PDE10A: variants seen among roughly 807,000 people sequenced by gnomAD.
PDE10A encodes the protein phosphodiesterase 10A, also known as cAMP and cAMP-inhibited cGMP 3',5'-cyclic phosphodiesterase 10A.
A neutral mutation model predicts 97.7 loss-of-function variants in PDE10A; 39 were observed. The observed-to-expected ratio is 0.40, with a 90% CI of 0.31 to 0.52. The LOEUF (loss-of-function observed/expected upper bound fraction) is 0.52, where lower values mean the gene tolerates loss of function less well. Ranked by LOEUF, PDE10A falls within the 20% of genes least tolerant of loss-of-function variation. The pLI is 0.56. For synonymous variants in PDE10A, 371 were observed against 376.8 expected, an observed-to-expected ratio of 0.98 and a Z score of 0.18; for missense variants, 731 against 1,047.8, an observed-to-expected ratio of 0.70 and a Z score of 4.17.
At chr6:165,499,737 T>C (rs1780755992) in intron 2 of PDE10A, among the ~76,000 whole-genome samples, 1 of 152,338 alleles carries the variant, frequency 6.6e-6, no homozygotes, top group East Asian at 1.9e-4. Flanking sequence ...TTTTTGCTCA[T>C]GAATGATTAA....
At position 165,327,795 on chromosome 6, in the gene PDE10A, G is replaced by A. The variant is rs941131081; in HGVS notation, c.*5230C>T. 5 of 152,112 alleles carry A rather than the reference G, an allele frequency of 3.3e-5. No individual in the cohort carries two copies. The highest frequency in any genetic ancestry group is 7.4e-5 in the Non-Finnish European group (5 of 68,024). 9.4% of individuals were successfully genotyped at this position (152,112 alleles called of 1,614,324 possible). A position where few individuals can be genotyped will look rare whatever the true frequency, so the allele number is the denominator to read the frequency against. ...CTTGAAATTCTTTCTCCTTCCAATA[G>A]AGAGCCTATTAAAATTCTGGACACA... On this transcript the variant is annotated 3_prime_UTR_variant, in exon 22 of 22. Coordinates refer to ENST00000539869, the MANE Select transcript of PDE10A (RefSeq NM_001385079.1).
intron 1 of PDE10A, among the ~76,000 whole-genome samples, chr6:165,595,899 C>T (rs1012558024): frequency 1.3e-5 from 2 of 152,230 alleles, no homozygotes; most frequent in African/African-American, 4.8e-5. Flanking sequence ...GCCCCACATT[C>T]TAATACCATC....
chr6:165,505,642 A>G (rs905860868), intron 2 of PDE10A, among the ~76,000 whole-genome samples: 7 of 152,222 alleles, frequency 4.6e-5, no homozygotes, highest in African/African-American at 1.7e-4. Context: ...AACTCGGTAC[A>G]TTGAAATATG....
At chr6:165,864,053 T>G (rs2128477229) in intron 1 of PDE10A, among the ~76,000 whole-genome samples, 1 of 152,354 alleles carries the variant, frequency 6.6e-6, no homozygotes, top group African/African-American at 2.4e-5. Context: ...GTAGGTTGGT[T>G]GTGTAACCTG....
At chr6:165,734,423 T>G (rs1165842124) in intron 1 of PDE10A, among the ~76,000 whole-genome samples, 2 of 152,120 alleles carry the variant, frequency 1.3e-5, no homozygotes, top group Non-Finnish European at 2.9e-5. Flanking sequence ...AGGTTAGCAC[T>G]CCCAGAATTT....
At chr6:165,495,821 CCTA>C (rs1477786511) in intron 2 of PDE10A, among the ~76,000 whole-genome samples, 1 of 152,114 alleles carries the variant, frequency 6.6e-6, no homozygotes, top group Non-Finnish European at 1.5e-5. Context: ...TTACTGAGCA[CCTA>C]CTAAGTGCCT....
chr6:165,880,157 G>A (rs1781438173), intron 1 of PDE10A, among the ~76,000 whole-genome samples: 1 of 152,222 alleles, frequency 6.6e-6, no homozygotes, highest in Non-Finnish European at 1.5e-5. Flanking sequence ...CCAGGTGCTT[G>A]AGTCAGGTCA....
intron 1 of PDE10A, among the ~76,000 whole-genome samples, chr6:165,952,547 T>C (rs1269532711): frequency 1.3e-5 from 2 of 152,220 alleles, no homozygotes; most frequent in African/African-American, 4.8e-5. Flanking sequence ...ATATGACTAC[T>C]GAAATAAAAA....
rs544459538 is a variant in PDE10A at position 165,460,779 on chromosome 6, A to G, written c.1024-10417T>C. Among the ~76,000 whole-genome samples the G allele has an allele frequency of 1.1e-3, 167 of 152,326 alleles. 3 individuals carry two copies. Among genetic ancestry groups the G allele is most frequent in the South Asian group, 7.2e-3 (35 of 4,830 alleles). On this transcript the variant is annotated intron_variant, in intron 3 of 21. Coordinates refer to ENST00000539869, the MANE Select transcript of PDE10A (RefSeq NM_001385079.1). ...GATTTATTACAACAATGGGGAGCACAAGTTCTAATTCCAGAACAATTATAT... is the reference window on the plus strand; with the variant it reads ...GATTTATTACAACAATGGGGAGCACGAGTTCTAATTCCAGAACAATTATAT...
intron 1 of PDE10A, among the ~76,000 whole-genome samples, chr6:165,964,929 A>T (rs548237625): frequency 6.6e-6 from 1 of 152,310 alleles, no homozygotes; most frequent in African/African-American, 2.4e-5. Context: ...CAGCAGGCAG[A>T]CAGGAGAAGG....
chr6:165,777,813 G>A (rs902348034), intron 1 of PDE10A, among the ~76,000 whole-genome samples: 4 of 152,098 alleles, frequency 2.6e-5, no homozygotes, highest in Admixed American at 1.3e-4. Flanking sequence ...CATCAAGTCC[G>A]GAATTGGAAG....
At chr6:165,494,240 C>G (rs949165732) in intron 2 of PDE10A, among the ~76,000 whole-genome samples, 2 of 151,936 alleles carry the variant, frequency 1.3e-5, no homozygotes, top group African/African-American at 4.8e-5. Flanking sequence ...CTAGTATGAC[C>G]TCTATGGAAA....
chr6:165,630,731 T>G (rs1385562526), intron 1 of PDE10A, among the ~76,000 whole-genome samples: 1 of 152,146 alleles, frequency 6.6e-6, no homozygotes, highest in Non-Finnish European at 1.5e-5. Context: ...ATTCTGCTGT[T>G]TAGATATAAA....
intron 1 of PDE10A, among the ~76,000 whole-genome samples, chr6:165,796,524 T>C (rs1778838114): frequency 6.6e-6 from 1 of 152,164 alleles, no homozygotes; most frequent in African/African-American, 2.4e-5. Context: ...AGGATAACAT[T>C]TGGGGGATGT....
intron 10 of PDE10A, among the ~76,000 whole-genome samples, chr6:165,426,446 C>A (rs1789173687): frequency 6.6e-6 from 1 of 152,114 alleles, no homozygotes; most frequent in African/African-American, 2.4e-5. Flanking sequence ...GAAACTGGAC[C>A]TTTACCAAAC....
At chr6:165,934,211 C>T (rs915823710) in intron 1 of PDE10A, among the ~76,000 whole-genome samples, 5 of 144,880 alleles carry the variant, frequency 3.5e-5, no homozygotes, top group Non-Finnish European at 7.5e-5. Flanking sequence ...TGTTGGCCAG[C>T]CTGGTCTTGA....
At chr6:165,746,323 C>T (rs961878427) in intron 1 of PDE10A, among the ~76,000 whole-genome samples, 1 of 152,192 alleles carries the variant, frequency 6.6e-6, no homozygotes. Flanking sequence ...GCGTGGGGTA[C>T]ATTTATTGAC....
intron 3 of PDE10A, among the ~76,000 whole-genome samples, chr6:165,481,151 T>C (rs1014974767): frequency 6.6e-6 from 1 of 152,206 alleles, no homozygotes; most frequent in Non-Finnish European, 1.5e-5. Context: ...AAGTTCACTT[T>C]TCAGAGTCCC....
At chr6:165,500,669 A>G (rs1184815568) in intron 2 of PDE10A, among the ~76,000 whole-genome samples, 1 of 152,132 alleles carries the variant, frequency 6.6e-6, no homozygotes, top group Non-Finnish European at 1.5e-5. Flanking sequence ...GCCAACACCC[A>G]TAAAGGGTCT....
Sources: allele counts gnomAD v4.1 joint callset (sites outside exome capture counted in the v4.1 genomes callset), GRCh38; gene constraint gnomAD v4.1.1; transcripts MANE v1.5; gene names NCBI Gene and HGNC (gene_info 2026-07-23, HGNC 2026-07-21).